KIAA1549: variants seen among roughly 807,000 people sequenced by gnomAD.
The protein encoded by KIAA1549 is KIAA1549, also known as UPF0606 protein KIAA1549.
In KIAA1549, 70 loss-of-function variants were observed where a neutral mutation model predicts 156.4. That is an observed-to-expected ratio of 0.45 (90% CI 0.37 to 0.55). KIAA1549 has a LOEUF of 0.55. Among genes scored for constraint, KIAA1549 ranks in the 20% least tolerant of loss-of-function variants. The probability of loss-of-function intolerance (pLI) is 0.00; values close to 1 mark genes in which losing one functional copy is unlikely to be tolerated. For missense variants in KIAA1549, 2,428 were observed against 2,540.9 expected, an observed-to-expected ratio of 0.96 and a Z score of 0.96; for synonymous variants, 1,103 against 1,066.4, an observed-to-expected ratio of 1.03 and a Z score of -0.67.
At chr7:138,895,620 T>C (rs559008816) in intron 9 of KIAA1549, among the ~76,000 whole-genome samples, 18 of 152,024 alleles carry the variant, frequency 1.2e-4, no homozygotes, top group African/African-American at 4.3e-4. Context: ...ATTCTGGAAA[T>C]GGATAGTGGT....
intron 18 of KIAA1549, among the ~76,000 whole-genome samples, chr7:138,840,800 C>A (rs1378970570): frequency 6.6e-6 from 1 of 152,188 alleles, no homozygotes; most frequent in Non-Finnish European, 1.5e-5. Context: ...GACCCCTCCT[C>A]CCTGTGAGCA....
intron 10 of KIAA1549, among the ~76,000 whole-genome samples, chr7:138,883,405 C>T (rs1022791323): frequency 2.6e-5 from 4 of 151,466 alleles, no homozygotes; most frequent in Admixed American, 6.6e-5. Context: ...CTCTGCCTCC[C>T]GGGTTCAAGT....
Position 138,854,406 on chromosome 7 carries a change from C to A in KIAA1549, c.5248-2137G>T, listed in dbSNP as rs565527198. Among the ~76,000 whole-genome samples, 5 of 152,248 alleles carry A rather than the reference C, an allele frequency of 3.3e-5. No homozygotes were observed. In the East Asian group the frequency reaches 9.7e-4, roughly 29 times the overall value. On this transcript the variant is annotated intron_variant, in intron 16 of 19. Transcript: ENST00000422774. ...TACCTTCTCAAGGAAGCAGCAATAC[C>A]AACTATCACGTGGCCTGACTCACTG...
At chr7:138,966,778 T>G (rs556228093) in intron 1 of KIAA1549, among the ~76,000 whole-genome samples, 5 of 152,058 alleles carry the variant, frequency 3.3e-5, no homozygotes, top group Non-Finnish European at 7.4e-5. Context: ...CCAATCGAGT[T>G]GACACTCAAT....
intron 2 of KIAA1549, among the ~76,000 whole-genome samples, chr7:138,914,556 C>T (rs73168949): frequency 0.013 from 1,947 of 152,254 alleles, 17 homozygotes; most frequent in Non-Finnish European, 0.018. Context: ...CGCGGAGTCA[C>T]CTCAACCCCC....
At chr7:138,854,941 A>C (rs1279861668) in intron 16 of KIAA1549, among the ~76,000 whole-genome samples, 2 of 152,242 alleles carry the variant, frequency 1.3e-5, no homozygotes, top group Non-Finnish European at 2.9e-5. Context: ...AAAGGAGCAG[A>C]ATCACGCTAC....
rs776371133 is a variant in KIAA1549 at position 138,852,199 on chromosome 7, T to C, written c.5294+24A>G. The C allele has an allele frequency of 5.1e-6, 8 of 1,572,584 alleles. No homozygotes were observed. The African/African-American group carries it at 8.1e-5, about 16-fold the overall frequency. ...AACAGCCTATGTGAGAAAGTGATAA[T>C]ACATTTTGTTTTGAAAACCTTACCT... On this transcript the variant is annotated intron_variant, in intron 17 of 19. Transcript: ENST00000422774.
intron 17 of KIAA1549, among the ~76,000 whole-genome samples, chr7:138,845,201 A>G (rs571055996): frequency 6.8e-5 from 10 of 147,322 alleles, no homozygotes; most frequent in Non-Finnish European, 1.3e-4. Context: ...AATTAAACAT[A>G]TATTAACATA....
intron 17 of KIAA1549, among the ~76,000 whole-genome samples, chr7:138,848,259 T>C (rs1227004891): frequency 6.6e-6 from 1 of 152,256 alleles, no homozygotes; most frequent in African/African-American, 2.4e-5. Context: ...ATTTCTGTCT[T>C]GTTCCAGCTC....
In KIAA1549 at chr7:138,869,750, C is replaced by G; in HGVS notation, c.4563G>C (p.Ala1521=). 3 of 1,609,508 alleles carry G rather than the reference C, an allele frequency of 1.9e-6. No individual in the cohort carries two copies. Among genetic ancestry groups the G allele is most frequent in the Non-Finnish European group, 2.5e-6 (3 of 1,179,270 alleles). ...GCTCGATCTCAGACTTGTGCCGCAG[C>G]GCGGTCTGAATCTGAGGAAGGGTGA... ...SNKINKEIQT[A]LRHKSEIEHH... Residue 1521 remains alanine (A), a synonymous_variant, in exon 14 of 20, where the codon GCG becomes GCC. Transcript: ENST00000422774.
At chr7:138,964,068 C>T (rs1813940855) in intron 1 of KIAA1549, among the ~76,000 whole-genome samples, 1 of 152,208 alleles carries the variant, frequency 6.6e-6, no homozygotes, top group Non-Finnish European at 1.5e-5. Flanking sequence ...CACCACCACA[C>T]AACACTGTAG....
At chr7:138,955,483 G>A (rs1224407837) in intron 1 of KIAA1549, among the ~76,000 whole-genome samples, 2 of 152,214 alleles carry the variant, frequency 1.3e-5, no homozygotes, top group African/African-American at 2.4e-5. Flanking sequence ...GAGGGGAAAT[G>A]AGGAGTTGCT....
intron 1 of KIAA1549, among the ~76,000 whole-genome samples, chr7:138,974,518 T>C (rs1814314504): frequency 6.6e-6 from 1 of 152,086 alleles, no homozygotes; most frequent in African/African-American, 2.4e-5. Context: ...CCGCAACCTT[T>C]GCCTCCCGGG....
At chr7:138,908,941 T>TC (rs760677327) in intron 5 of KIAA1549, 50 bp downstream of exon 5, 1 of 1,604,594 alleles carries the variant, frequency 6.2e-7, no homozygotes, top group Non-Finnish European at 8.5e-7. Context: ...TGGAACAATT[T>TC]CCCCTTCAAG....
chr7:138,909,768 G>T (rs1417999537), intron 4 of KIAA1549, among the ~76,000 whole-genome samples: 11 of 151,954 alleles, frequency 7.2e-5, no homozygotes, highest in African/African-American at 2.7e-4. Context: ...CCAACATGGT[G>T]AAACCCCATC....
chr7:138,976,540 T>G (rs761961051), intron 1 of KIAA1549, among the ~76,000 whole-genome samples: 1 of 152,220 alleles, frequency 6.6e-6, no homozygotes, highest in East Asian at 1.9e-4. Context: ...TTTATTACAG[T>G]AGACTGTTAG....
At position 138,836,672 on chromosome 7, in the gene KIAA1549, C is replaced by A. The variant is rs1034259251; in HGVS notation, c.*1234G>T. The stretch of plus-strand genomic sequence containing the variant: ...AGGAGTACATCTTAAGCGAGATGAT[C>A]CCCTCTTAGCCCAAAGAGCATAAGA... On this transcript the variant is annotated 3_prime_UTR_variant, in exon 20 of 20. Coordinates refer to ENST00000422774, the MANE Select transcript of KIAA1549 (RefSeq NM_001164665.2). 1.8e-5 allele frequency: 4 copies of A among 218,708 alleles called. No individual in the cohort carries two copies. Among genetic ancestry groups the A allele is most frequent in the African/African-American group, 9.0e-5 (4 of 44,510 alleles). 13.5% of individuals were successfully genotyped at this position (218,708 alleles called of 1,614,324 possible).
chr7:138,960,574 T>C (rs1461380487), intron 1 of KIAA1549, among the ~76,000 whole-genome samples: 2 of 151,998 alleles, frequency 1.3e-5, no homozygotes, highest in Non-Finnish European at 2.9e-5. Flanking sequence ...CCTCCAAAAA[T>C]GCTGGGATTA....
intron 6 of KIAA1549, among the ~76,000 whole-genome samples, chr7:138,906,046 C>T (rs543472682): frequency 6.6e-6 from 1 of 152,302 alleles, no homozygotes; most frequent in Admixed American, 6.5e-5. Flanking sequence ...TTCCAGAATT[C>T]GTGTACTTTT....
Sources: allele counts gnomAD v4.1 joint callset (sites outside exome capture counted in the v4.1 genomes callset), GRCh38; gene constraint gnomAD v4.1.1; transcripts MANE v1.5; gene names NCBI Gene and HGNC (gene_info 2026-07-23, HGNC 2026-07-21).